Variants in PUM1 observed in about 807,000 individuals in gnomAD.
PUM1 encodes pumilio RNA binding family member 1.
A neutral mutation model predicts 131.8 loss-of-function variants in PUM1; 13 were observed. The observed-to-expected ratio is 0.10, with a 90% CI of 0.06 to 0.16. The LOEUF (loss-of-function observed/expected upper bound fraction) is 0.16. PUM1 is among the 10% of genes least tolerant of loss of function. The pLI is 1.00. For synonymous variants in PUM1, 509 were observed against 556.5 expected (o/e 0.91, Z 1.20); for missense variants, 961 against 1,512.4 (o/e 0.64, Z 6.05).
chr1:30,975,494 A>G (rs1262396970), intron 9 of PUM1, among the ~76,000 whole-genome samples: 1 of 145,476 alleles, frequency 6.9e-6, no homozygotes, highest in African/African-American at 2.5e-5. Flanking sequence ...GGGATTACAG[A>G]TGCATGCCAC....
chr1:30,962,255 C>T (rs752941374), intron 14 of PUM1, among the ~76,000 whole-genome samples: 2 of 152,168 alleles, frequency 1.3e-5, no homozygotes, highest in Non-Finnish European at 2.9e-5. Flanking sequence ...AAATAACTCA[C>T]ACTAATAGTT....
In PUM1 at chr1:30,932,550, A is replaced by G. The variant is rs978918128; in HGVS notation, c.*661T>C. On this transcript the variant is annotated 3_prime_UTR_variant, in exon 22 of 22. Coordinates refer to ENST00000426105, the MANE Select transcript of PUM1 (RefSeq NM_001020658.2). Reference sequence around the variant, plus strand: ...CTCCTCACGAACAGCCTTCTTCAGCATAATATAGTCTCCAAAAAAGGCATT... The same window carrying G: ...CTCCTCACGAACAGCCTTCTTCAGCGTAATATAGTCTCCAAAAAAGGCATT... The G allele has an allele frequency of 6.6e-6, 1 of 151,584 alleles. No homozygotes were observed. Among genetic ancestry groups the G allele is most frequent in the Non-Finnish European group, 1.5e-5 (1 of 67,936 alleles). The allele number at this position is 151,584 out of a possible 1,614,324, so 9.4% of individuals were successfully genotyped here.
chr1:31,022,290 A>C (rs552889636), intron 3 of PUM1, among the ~76,000 whole-genome samples: 1 of 152,346 alleles, frequency 6.6e-6, no homozygotes, highest in East Asian at 1.9e-4. Flanking sequence ...CCTCCAATAA[A>C]GCATGCTAGT....
At chr1:31,047,326 A>C (rs1420380284) in intron 2 of PUM1, among the ~76,000 whole-genome samples, 2 of 152,248 alleles carry the variant, frequency 1.3e-5, no homozygotes, top group African/African-American at 4.8e-5. Context: ...AACAAAGAGG[A>C]GATCAGAAAT....
Position 31,065,625 on chromosome 1 carries a change from G to T in PUM1, c.-21C>A, listed in dbSNP as rs1232572472. 18 of 1,547,802 alleles carry T rather than the reference G, an allele frequency of 1.2e-5. No homozygotes were observed. Among genetic ancestry groups the T allele is most frequent in the Middle Eastern group, 3.3e-4 (2 of 6,012 alleles). On this transcript the variant is annotated 5_prime_UTR_variant, in exon 1 of 22. Transcript: ENST00000426105. Reference sequence around the variant, plus strand: ...GGGTGCGGATACTCACGGGCGGAGCGGTAGGATGAAGATGGATTTCAGCCC... The same window carrying T: ...GGGTGCGGATACTCACGGGCGGAGCTGTAGGATGAAGATGGATTTCAGCCC...
chr1:31,028,881 A>T lies in PUM1; in HGVS notation c.364-17T>A, dbSNP rs894516951. The stretch of plus-strand genomic sequence containing the variant: ...GGAACGCACCTATTGTTTAGAATAG[A>T]GAAGGAAAAATCTTCAAGTCAGCAT... On this transcript the variant is annotated splice_polypyrimidine_tract_variant and intron_variant, in intron 2 of 21. Transcript: ENST00000426105. 41 of 1,603,302 alleles carry T rather than the reference A, an allele frequency of 2.6e-5. No individual in the cohort carries two copies. The highest frequency in any genetic ancestry group is 3.2e-5 in the Non-Finnish European group (38 of 1,170,658).
At position 30,945,144 on chromosome 1, in the gene PUM1, G is replaced by A. The variant is rs183156219; in HGVS notation, c.2994+202C>T. ...AGCTACTTGGGAGGCTGAGGGGGGA[G>A]GATTGCTTGAACCTGGCAGTTCAAG... is the stretch of plus-strand genomic sequence containing the variant. On this transcript the variant is annotated intron_variant, in intron 18 of 21. Coordinates refer to ENST00000426105, the MANE Select transcript of PUM1 (RefSeq NM_001020658.2). 9.7e-4 allele frequency among the ~76,000 whole-genome samples: 148 copies of A among 152,208 alleles called. 2 individuals are homozygous for A. The highest frequency in any genetic ancestry group is 3.4e-3 in the African/African-American group (140 of 41,534).
intron 5 of PUM1, among the ~76,000 whole-genome samples, chr1:31,003,484 C>T (rs1323999265): frequency 2.0e-5 from 3 of 152,084 alleles, no homozygotes; most frequent in Non-Finnish European, 4.4e-5. Context: ...TGGCCGGGCG[C>T]GGTGGCTCAC....
At chr1:30,968,043 G>T in intron 11 of PUM1, 1 of 401,720 alleles carries the variant, frequency 2.5e-6, no homozygotes, top group Non-Finnish European at 4.9e-6. Context: ...ACTAAGCCTT[G>T]TAAACTAGCT....
At chr1:31,022,881 C>T (rs548925349) in intron 3 of PUM1, among the ~76,000 whole-genome samples, 1 of 152,074 alleles carries the variant, frequency 6.6e-6, no homozygotes, top group Non-Finnish European at 1.5e-5. Flanking sequence ...GTGAAAGCTA[C>T]ATTTTGGCTG....
chr1:31,026,834 G>A (rs867776409), intron 3 of PUM1, among the ~76,000 whole-genome samples: 2 of 151,696 alleles, frequency 1.3e-5, no homozygotes, highest in Admixed American at 1.3e-4. Context: ...ACTGTTACTT[G>A]TGAATAGTGG....
At position 30,951,676 on chromosome 1, in the gene PUM1, A is replaced by G. The variant is rs142255224; in HGVS notation, c.2721+558T>C. On this transcript the variant is annotated intron_variant, in intron 16 of 21. Transcript: ENST00000426105. ...ACTAGAGGGAAAAGACATCAACCTA[A>G]CAATCTCATTCTTTCCAAAGACAAT... 3.7e-3 allele frequency among the ~76,000 whole-genome samples: 560 copies of G among 152,320 alleles called. 2 individuals are homozygous for G. The highest frequency in any genetic ancestry group is 0.013 in the African/African-American group (530 of 41,572).
intron 2 of PUM1, among the ~76,000 whole-genome samples, chr1:31,029,414 G>C (rs1254872047): frequency 6.6e-6 from 1 of 152,154 alleles, no homozygotes; most frequent in Admixed American, 6.5e-5. Flanking sequence ...CTAACCAGGG[G>C]GAGAAAATAA....
In PUM1 at chr1:30,936,638, C is replaced by A; in HGVS notation, c.3435+5G>T. ...TTCTCTGAGACCCTGCCCAGCCCGG[C>A]CTACCTTATGCATGACGATCTTCCG... On this transcript the variant is annotated splice_donor_5th_base_variant and intron_variant, in intron 21 of 21. Transcript: ENST00000426105. 6 of 1,611,506 alleles carry A rather than the reference C, an allele frequency of 3.7e-6. No homozygotes were observed. The highest frequency in any genetic ancestry group is 5.1e-6 in the Non-Finnish European group (6 of 1,178,376).
chr1:30,952,508 T>C, intron 15 of PUM1, 145 bp from the exon 16 acceptor site: 1 of 1,185,834 alleles, frequency 8.4e-7, no homozygotes, highest in Non-Finnish European at 1.2e-6. Flanking sequence ...AACCAAACTT[T>C]ATTTGAATGA....
chr1:30,963,693 T>C (rs1640511753), intron 14 of PUM1, among the ~76,000 whole-genome samples: 1 of 152,226 alleles, frequency 6.6e-6, no homozygotes, highest in Non-Finnish European at 1.5e-5. Flanking sequence ...AAGCCACTTT[T>C]AATCTTGCTG....
intron 21 of PUM1, among the ~76,000 whole-genome samples, chr1:30,935,253 C>T (rs980201179): frequency 6.6e-6 from 1 of 152,230 alleles, no homozygotes; most frequent in Non-Finnish European, 1.5e-5. Context: ...ACGGTCTGGT[C>T]TCTGGCGTCC....
chr1:30,979,451 T>C (rs1641271053), intron 9 of PUM1, among the ~76,000 whole-genome samples: 1 of 152,198 alleles, frequency 6.6e-6, no homozygotes, highest in African/African-American at 2.4e-5. Flanking sequence ...GTCCCAACCC[T>C]AGCTAACCCA....
intron 2 of PUM1, among the ~76,000 whole-genome samples, chr1:31,052,706 T>C (rs546364456): frequency 6.6e-6 from 1 of 151,436 alleles, no homozygotes; most frequent in South Asian, 2.1e-4. Flanking sequence ...TTATCTTTTT[T>C]TTTTTTTTTT....
Sources: gnomAD v4.1 joint callset for allele counts (sites outside exome capture counted in the v4.1 genomes callset) on GRCh38, gnomAD v4.1.1 for gene constraint, MANE v1.5 for transcripts, NCBI Gene and HGNC (gene_info 2026-07-23, HGNC 2026-07-21) for gene names.